Variants in RBFOX1 observed in about 807,000 individuals in gnomAD.
RBFOX1 encodes the protein RNA binding protein fox-1 homolog 1.
A neutral mutation model predicts 57.7 loss-of-function variants in RBFOX1; 8 were observed. The observed-to-expected ratio is 0.14, with a 90% CI of 0.08 to 0.25. RBFOX1 has a LOEUF of 0.25. Among genes scored for constraint, RBFOX1 ranks in the 10% least tolerant of loss-of-function variants. RBFOX1 has a pLI of 1.00. For synonymous variants in RBFOX1, 326 were observed against 222.4 expected (o/e 1.47, Z -4.15); for missense variants, 611 against 548.5 (o/e 1.11, Z -1.14).
chr16:7,618,448 A>T (rs1018677259), intron 10 of RBFOX1, among the ~76,000 whole-genome samples: 1 of 152,176 alleles, frequency 6.6e-6, no homozygotes, highest in African/African-American at 2.4e-5. Flanking sequence ...CCTAGGACAA[A>T]GGCTATTGTG....
intron 1 of RBFOX1, among the ~76,000 whole-genome samples, chr16:5,375,343 A>C (rs888445414): frequency 4.6e-5 from 7 of 152,174 alleles, no homozygotes; most frequent in African/African-American, 1.7e-4. Context: ...TGAAGAGGAC[A>C]GTGAGGTTGG....
intron 3 of RBFOX1, among the ~76,000 whole-genome samples, chr16:6,867,883 T>G (rs937105294): frequency 1.3e-5 from 2 of 152,174 alleles, no homozygotes; most frequent in African/African-American, 4.8e-5. Context: ...ATGTATTATA[T>G]AGTCATTCCA....
intron 3 of RBFOX1, among the ~76,000 whole-genome samples, chr16:6,867,791 C>G (rs929001643): frequency 1.3e-5 from 2 of 152,178 alleles, no homozygotes; most frequent in African/African-American, 2.4e-5. Context: ...TAGGTTTGCT[C>G]AGAACAAGTC....
At chr16:5,874,046 A>G (rs2057543298) in intron 4 of RBFOX1, among the ~76,000 whole-genome samples, 1 of 152,250 alleles carries the variant, frequency 6.6e-6, no homozygotes, top group Admixed American at 6.5e-5. Flanking sequence ...TGGAAATCAA[A>G]GAGTAAGATG....
chr16:6,216,064 G>C (rs1365536214), intron 1 of RBFOX1, among the ~76,000 whole-genome samples: 1 of 152,172 alleles, frequency 6.6e-6, no homozygotes, highest in Non-Finnish European at 1.5e-5. Context: ...TCGCTTGTAA[G>C]AGAGAGTTAA....
intron 2 of RBFOX1, among the ~76,000 whole-genome samples, chr16:5,481,067 A>T (rs1297620183): frequency 1.3e-5 from 2 of 152,226 alleles, no homozygotes; most frequent in East Asian, 3.8e-4. Flanking sequence ...TACTAGCTCT[A>T]AAAATACTCC....
intron 1 of RBFOX1, among the ~76,000 whole-genome samples, chr16:6,132,630 G>A (rs2096637590): frequency 6.6e-6 from 1 of 152,146 alleles, no homozygotes; most frequent in African/African-American, 2.4e-5. Flanking sequence ...TTTCAAATTA[G>A]CGAAGGTGGC....
chr16:7,076,102 C>G (rs780778245), intron 4 of RBFOX1, among the ~76,000 whole-genome samples: 23 of 148,728 alleles, frequency 1.5e-4, no homozygotes, highest in Non-Finnish European at 3.0e-4. Flanking sequence ...ACTGCCATGG[C>G]GCGATCTCGG....
At chr16:6,988,840 C>T (rs557341197) in intron 3 of RBFOX1, among the ~76,000 whole-genome samples, 1 of 151,388 alleles carries the variant, frequency 6.6e-6, no homozygotes, top group South Asian at 2.1e-4. Flanking sequence ...GGCATAATCT[C>T]GGCTCACTGC....
chr16:5,934,657 C>G (rs990911493), intron 4 of RBFOX1, among the ~76,000 whole-genome samples: 2 of 152,210 alleles, frequency 1.3e-5, no homozygotes, highest in Non-Finnish European at 2.9e-5. Context: ...ATGCTGATTA[C>G]TCTGATGTGA....
intron 4 of RBFOX1, among the ~76,000 whole-genome samples, chr16:7,504,803 TTA>T (rs1555526592): frequency 1.2e-4 from 8 of 66,824 alleles, no homozygotes; most frequent in East Asian, 7.8e-4. Context: ...ATATATATAT[TTA>T]TATATATATA....
At chr16:7,098,778 T>C (rs896993434) in intron 4 of RBFOX1, among the ~76,000 whole-genome samples, 1 of 152,124 alleles carries the variant, frequency 6.6e-6, no homozygotes, top group Admixed American at 6.5e-5. Context: ...AGTGAGACCC[T>C]GTGTCTATCT....
At chr16:5,519,480 C>T (rs2043927688) in intron 2 of RBFOX1, among the ~76,000 whole-genome samples, 1 of 152,140 alleles carries the variant, frequency 6.6e-6, no homozygotes, top group Non-Finnish European at 1.5e-5. Flanking sequence ...TCCCAGTGCT[C>T]TGGGAAGCTG....
chr16:6,016,763 C>G (rs1220035170), upstream of RBFOX1, among the ~76,000 whole-genome samples: 1 of 152,194 alleles, frequency 6.6e-6, no homozygotes, highest in African/African-American at 2.4e-5. Context: ...GAGCTGTCAA[C>G]TTCAGCACCT....
At chr16:6,203,300 G>A (rs1426217690) in intron 1 of RBFOX1, among the ~76,000 whole-genome samples, 2 of 152,106 alleles carry the variant, frequency 1.3e-5, no homozygotes, top group African/African-American at 4.8e-5. Flanking sequence ...GTGGTTCTGT[G>A]AGTTTTGATG....
rs1017453610 is a variant in RBFOX1, at chr16:7,569,418, T to A, written c.271-10359T>A. On this transcript the variant is annotated intron_variant, in intron 5 of 15. Transcript: ENST00000550418. ...CCCCTTTCCCCATCTTCAAAATCAG[T>A]AATGGTGGGTTGAGTTTTTCTCACG... Among the ~76,000 whole-genome samples, 5 of 152,160 alleles carry A rather than the reference T, an allele frequency of 3.3e-5. No homozygotes were observed. The East Asian group carries it at 7.7e-4, about 23-fold the overall frequency.
At chr16:5,948,556 T>C (rs1432556679) in intron 4 of RBFOX1, among the ~76,000 whole-genome samples, 1 of 152,162 alleles carries the variant, frequency 6.6e-6, no homozygotes, top group African/African-American at 2.4e-5. Context: ...TTGACTGGTC[T>C]CCTTAAAAGA....
In RBFOX1 at chr16:6,593,078, G is replaced by C. The variant is rs897647681; in HGVS notation, c.-63-61525G>C. 3.3e-5 allele frequency among the ~76,000 whole-genome samples: 5 copies of C among 152,286 alleles called. No individual in the cohort carries two copies. In the East Asian group the frequency reaches 9.7e-4, roughly 30 times the overall value. ...GTGGTGGCAGGTGCCTGTACTCCCA[G>C]CTACTTGGGATGCTGAGGCAGGAGA... is the stretch of plus-strand genomic sequence containing the variant. On this transcript the variant is annotated intron_variant, in intron 2 of 15. Transcript: ENST00000550418.
intron 10 of RBFOX1, among the ~76,000 whole-genome samples, chr16:7,626,033 A>G (rs971462385): frequency 2.6e-5 from 4 of 152,244 alleles, no homozygotes; most frequent in Admixed American, 1.3e-4. Context: ...GAACTCTGCC[A>G]GACAAAGGTA....
Sources: gnomAD v4.1 joint callset for allele counts (sites outside exome capture counted in the v4.1 genomes callset) on GRCh38, gnomAD v4.1.1 for gene constraint, MANE v1.5 for transcripts, NCBI Gene and HGNC (gene_info 2026-07-23, HGNC 2026-07-21) for gene names.